The following DNAI7 variants were observed in gnomAD, a reference collection of about 807,000 sequenced individuals.
DNAI7 encodes cancer susceptibility 1.
A neutral mutation model predicts 86.6 loss-of-function variants in DNAI7; 78 were observed. The ratio of observed to expected loss-of-function variants is 0.90; its 90% CI spans 0.75 to 1.09. The LOEUF (loss-of-function observed/expected upper bound fraction) is 1.09, where lower values mean the gene tolerates loss of function less well. Among genes scored for constraint, DNAI7 ranks in the 50% least tolerant of loss-of-function variants. DNAI7 has a pLI of 0.00. For missense variants in DNAI7, 753 were observed against 810.2 expected (o/e 0.93, Z 0.86); for synonymous variants, 274 against 273.0 (o/e 1.00, Z -0.04).
chr12:25,136,672 G>T (rs954968358), intron 9 of DNAI7, among the ~76,000 whole-genome samples: 1 of 151,942 alleles, frequency 6.6e-6, no homozygotes, highest in Non-Finnish European at 1.5e-5. Flanking sequence ...TGATACAGGC[G>T]ATGGATAAAA....
intron 2 of DNAI7, among the ~76,000 whole-genome samples, chr12:25,165,353 A>G (rs1947334925): frequency 6.6e-6 from 1 of 152,202 alleles, no homozygotes; most frequent in African/African-American, 2.4e-5. Flanking sequence ...CCAGCACACA[A>G]GAACTCCAAA....
intron 13 of DNAI7, among the ~76,000 whole-genome samples, chr12:25,113,353 G>A (rs1779981793): frequency 6.6e-6 from 1 of 152,084 alleles, no homozygotes; most frequent in African/African-American, 2.4e-5. Flanking sequence ...CCAGGCTGGA[G>A]TGCAGTGGCA....
chr12:25,154,209 T>C, intron 6 of DNAI7, 110 bp downstream of exon 6: 1 of 833,658 alleles, frequency 1.2e-6, no homozygotes, highest in Non-Finnish European at 1.8e-6. Flanking sequence ...TTGCTAAGGG[T>C]TCAAAAGCAG....
chr12:25,161,316 ATT>A (rs1946816527), intron 2 of DNAI7, 119 bp from the exon 3 acceptor site: 1 of 830,560 alleles, frequency 1.2e-6, no homozygotes, highest in East Asian at 2.5e-5. Flanking sequence ...CCTTTCATGC[ATT>A]CATTCAACAA....
chr12:25,108,206 C>A, downstream of DNAI7: 4 of 840,744 alleles, frequency 4.8e-6, no homozygotes, highest in Non-Finnish European at 7.2e-6. Context: ...CCTCTTTTTG[C>A]CTTTATCTCC....
At chr12:25,133,192 T>C (rs1943138195) in intron 9 of DNAI7, among the ~76,000 whole-genome samples, 1 of 151,198 alleles carries the variant, frequency 6.6e-6, no homozygotes, top group Admixed American at 6.6e-5. Flanking sequence ...AAAGTGAGAA[T>C]CGAAATTTCT....
At chr12:25,121,556 C>T (rs7977773) in intron 11 of DNAI7, among the ~76,000 whole-genome samples, 197 bp downstream of exon 11, 152,108 of 152,374 alleles carry the variant, frequency 1, 75,925 homozygotes, top group Non-Finnish European at 1. Context: ...AATTCTAGTA[C>T]AAACGTCATA....
chr12:25,188,996 A>G (rs1397609628), intron 2 of DNAI7, among the ~76,000 whole-genome samples: 1 of 146,538 alleles, frequency 6.8e-6, no homozygotes, highest in Non-Finnish European at 1.5e-5. Flanking sequence ...CAGTTTCTAA[A>G]AGAATATCAG....
chr12:25,124,502 T>TAAAGTA (rs1941815911), intron 9 of DNAI7, among the ~76,000 whole-genome samples: 1 of 152,122 alleles, frequency 6.6e-6, no homozygotes, highest in African/African-American at 2.4e-5. Context: ...TGTTGTAGTA[T>TAAAGTA]AAAGTAAAGG....
At chr12:25,143,527 A>G (rs1206828080) in intron 9 of DNAI7, among the ~76,000 whole-genome samples, 1 of 152,192 alleles carries the variant, frequency 6.6e-6, no homozygotes, top group Non-Finnish European at 1.5e-5. Context: ...CCCGGCCTAT[A>G]ATTTTTGATA....
intron 13 of DNAI7, 86 bp from the exon 14 acceptor site, chr12:25,112,025 T>G (rs117970068): frequency 9.9e-6 from 8 of 809,330 alleles, no homozygotes; most frequent in Admixed American, 8.1e-5. Context: ...AGATGCTTTA[T>G]ACATTTTTAA....
At chr12:25,163,903 C>T (rs1057135136) in intron 2 of DNAI7, among the ~76,000 whole-genome samples, 4 of 152,168 alleles carry the variant, frequency 2.6e-5, no homozygotes, top group Non-Finnish European at 4.4e-5. Flanking sequence ...CTAGTAGAGA[C>T]AAAGGAGACG....
intron 6 of DNAI7, among the ~76,000 whole-genome samples, chr12:25,152,995 T>C (rs1945735589): frequency 1.3e-5 from 2 of 152,218 alleles, no homozygotes; most frequent in Non-Finnish European, 2.9e-5. Context: ...CTCTCTTCCA[T>C]TCTTCTGTAT....
chr12:25,114,291 C>T (rs1421912543), intron 13 of DNAI7, among the ~76,000 whole-genome samples: 2 of 152,108 alleles, frequency 1.3e-5, no homozygotes, highest in Admixed American at 6.5e-5. Flanking sequence ...CAGAGAGAAA[C>T]CAACCTCAAA....
At chr12:25,114,203 T>C (rs1241885423) in intron 13 of DNAI7, among the ~76,000 whole-genome samples, 1 of 152,150 alleles carries the variant, frequency 6.6e-6, no homozygotes, top group Non-Finnish European at 1.5e-5. Context: ...CCTCCCAAAG[T>C]GCTGGGATTC....
intron 9 of DNAI7, among the ~76,000 whole-genome samples, chr12:25,133,773 G>C (rs1329542175): frequency 6.6e-6 from 1 of 152,160 alleles, no homozygotes; most frequent in Non-Finnish European, 1.5e-5. Flanking sequence ...AGGGTGCTGA[G>C]TTAATGTTAC....
downstream of DNAI7, chr12:25,107,997 G>A (rs61751736): frequency 1.2e-4 from 194 of 1,614,154 alleles, no homozygotes; most frequent in Non-Finnish European, 1.5e-4. Flanking sequence ...ACTCATGGAC[G>A]TCTCTAGAAC....
rs1219936167 is a variant in DNAI7 at position 25,161,217 on chromosome 12, T to C, written c.22-20A>G. 1.2e-5 allele frequency: 19 copies of C among 1,594,694 alleles called. No homozygotes were observed. The East Asian group carries it at 4.3e-4, about 36-fold the overall frequency. The stretch of plus-strand genomic sequence containing the variant: ...GCCAGACTTAACAAAGGCCACATCA[T>C]AAAAAAGGCTATTAACATGCAAGTT... On this transcript the variant is annotated intron_variant, in intron 2 of 15. Transcript: ENST00000395987.
chr12:25,161,942 G>T (rs900618545), intron 2 of DNAI7, among the ~76,000 whole-genome samples: 3 of 152,132 alleles, frequency 2.0e-5, no homozygotes, highest in African/African-American at 7.2e-5. Context: ...TGGCTATAAA[G>T]AATATAATTT....
Sources: gnomAD v4.1 joint callset for allele counts (sites outside exome capture counted in the v4.1 genomes callset) on GRCh38, gnomAD v4.1.1 for gene constraint, MANE v1.5 for transcripts, NCBI Gene and HGNC (gene_info 2026-07-23, HGNC 2026-07-21) for gene names.